Variants in APBA2 observed in about 807,000 individuals in gnomAD.
APBA2 encodes amyloid beta precursor protein binding family A member 2.
In APBA2, 30 loss-of-function variants were observed where a neutral mutation model predicts 75.0. That is an observed-to-expected ratio of 0.40 (90% CI 0.30 to 0.54). APBA2 has a LOEUF of 0.54. Among genes scored for constraint, APBA2 ranks in the 20% least tolerant of loss-of-function variants. APBA2 has a pLI of 0.49. For missense variants in APBA2, 801 were observed against 1,016.1 expected, an observed-to-expected ratio of 0.79 and a Z score of 2.88; for synonymous variants, 444 against 409.6, an observed-to-expected ratio of 1.08 and a Z score of -1.01.
intron 14 of APBA2, among the ~76,000 whole-genome samples, chr15:29,116,739 G>A (rs577236475): frequency 1.7e-4 from 26 of 152,234 alleles, no homozygotes; most frequent in Non-Finnish European, 1.5e-5. Context: ...CCCCCAGCCA[G>A]CCCCAGTGGA....
intron 3 of APBA2, among the ~76,000 whole-genome samples, chr15:29,035,242 G>T (rs936717995): frequency 2.0e-5 from 3 of 152,228 alleles, no homozygotes; most frequent in Non-Finnish European, 2.9e-5. Context: ...AGGAGTAAGG[G>T]CTTGCTACCG....
At chr15:28,999,005 G>A (rs2038696826) in intron 3 of APBA2, among the ~76,000 whole-genome samples, 1 of 152,112 alleles carries the variant, frequency 6.6e-6, no homozygotes, top group Non-Finnish European at 1.5e-5. Context: ...AAAATTAGCT[G>A]GGTGTGGTGG....
chr15:29,080,076 A>G (rs2043022213), intron 6 of APBA2, among the ~76,000 whole-genome samples: 1 of 152,192 alleles, frequency 6.6e-6, no homozygotes, highest in African/African-American at 2.4e-5. Flanking sequence ...TGCTTGACAC[A>G]TAAACTCGTA....
At chr15:29,030,721 A>G (rs1461116644) in intron 3 of APBA2, among the ~76,000 whole-genome samples, 1 of 133,492 alleles carries the variant, frequency 7.5e-6, no homozygotes, top group Non-Finnish European at 1.5e-5. Flanking sequence ...GGTTAAACCC[A>G]TGTGAGTATG....
chr15:28,994,735 C>T lies in APBA2; in HGVS notation c.-94-1018C>T, dbSNP rs1032741798. Among the ~76,000 whole-genome samples the T allele has an allele frequency of 9.9e-5, 15 of 152,154 alleles. 1 individual carries two copies. In the East Asian group the frequency reaches 1.7e-3, roughly 18 times the overall value. On this transcript the variant is annotated intron_variant, in intron 2 of 14. Coordinates refer to ENST00000683413, the MANE Select transcript of APBA2 (RefSeq NM_001353788.2). ...GGCCGCTTTCTTAGAGAAGTGAAGA[C>T]GCTGAGTAGACTAAACCTTTGTGAT... is the stretch of plus-strand genomic sequence containing the variant.
chr15:29,006,768 C>T (rs1045392797), intron 3 of APBA2, among the ~76,000 whole-genome samples: 5 of 152,200 alleles, frequency 3.3e-5, no homozygotes, highest in Non-Finnish European at 2.9e-5. Context: ...TGGCCCCACC[C>T]TTGACGTGAG....
At chr15:29,051,809 C>T (rs903330387) in intron 3 of APBA2, among the ~76,000 whole-genome samples, 10 of 152,138 alleles carry the variant, frequency 6.6e-5, no homozygotes, top group South Asian at 2.1e-4. Flanking sequence ...GATGAGAGCC[C>T]GGGCAGTGAC....
intron 3 of APBA2, among the ~76,000 whole-genome samples, chr15:29,000,038 T>C (rs535514755): frequency 1.3e-5 from 2 of 152,292 alleles, no homozygotes; most frequent in South Asian, 4.1e-4. Flanking sequence ...ATGCAGGTCC[T>C]CACTGGAGTG....
chr15:28,894,804 AG>A (rs1479753528), intron 1 of APBA2, among the ~76,000 whole-genome samples: 8 of 136,406 alleles, frequency 5.9e-5, no homozygotes, highest in Non-Finnish European at 1.1e-4. Flanking sequence ...GGACGCCGTT[AG>A]GGGCATGTTC....
intron 1 of APBA2, among the ~76,000 whole-genome samples, chr15:28,916,326 C>T (rs1289360852): frequency 6.6e-6 from 1 of 152,184 alleles, no homozygotes. Context: ...GTCTACCCTT[C>T]CCCACAGGTC....
At chr15:29,049,549 A>C (rs570722241) in intron 3 of APBA2, among the ~76,000 whole-genome samples, 1 of 152,274 alleles carries the variant, frequency 6.6e-6, no homozygotes, top group East Asian at 1.9e-4. Context: ...AAGCAAGCAG[A>C]TCTGGCTGAG....
At chr15:29,116,400 G>A (rs2045142289) in intron 14 of APBA2, among the ~76,000 whole-genome samples, 1 of 152,122 alleles carries the variant, frequency 6.6e-6, no homozygotes, top group African/African-American at 2.4e-5. Context: ...GCCGAGGCGG[G>A]CGTATCACGA....
chr15:28,940,356 C>CAAAAAAAAAAAAAAAAAAA (rs398043111), intron 2 of APBA2, among the ~76,000 whole-genome samples: 2 of 38,440 alleles, frequency 5.2e-5, no homozygotes, highest in Non-Finnish European at 5.8e-5. Flanking sequence ...ACTAAAAATA[C>CAAAAAAAAAAAAAAAAAAA]AAAAAAAAAA....
chr15:28,951,588 T>TA (rs397973689), intron 2 of APBA2, among the ~76,000 whole-genome samples: 6 of 151,880 alleles, frequency 4.0e-5, no homozygotes, highest in East Asian at 1.9e-4. Flanking sequence ...AGTTTTTTTT[T>TA]ATTTTTTTAT....
chr15:28,964,163 T>G (rs547656806), intron 2 of APBA2, among the ~76,000 whole-genome samples: 1 of 152,244 alleles, frequency 6.6e-6, no homozygotes, highest in Non-Finnish European at 1.5e-5. Context: ...TTTTTATTCC[T>G]CTATGATCAA....
At chr15:29,114,195 G>A (rs764669038) in intron 14 of APBA2, among the ~76,000 whole-genome samples, 179 bp downstream of exon 14, 12 of 152,218 alleles carry the variant, frequency 7.9e-5, no homozygotes, top group Non-Finnish European at 1.5e-4. Context: ...GAGCCATCCC[G>A]GTCTGGCTCT....
intron 13 of APBA2, among the ~76,000 whole-genome samples, chr15:29,109,407 C>T (rs763678144): frequency 1.3e-5 from 2 of 152,120 alleles, no homozygotes; most frequent in Non-Finnish European, 2.9e-5. Context: ...GAGCTTATTG[C>T]TTATTCATGC....
intron 1 of APBA2, among the ~76,000 whole-genome samples, chr15:28,907,615 G>A (rs1202523360): frequency 3.9e-5 from 6 of 152,348 alleles, no homozygotes; most frequent in Middle Eastern, 6.8e-3. Flanking sequence ...CTGCACCTAA[G>A]TGATTTGTTT....
chr15:29,094,961 G>A (rs1567002589), intron 8 of APBA2, among the ~76,000 whole-genome samples: 1 of 151,906 alleles, frequency 6.6e-6, no homozygotes, highest in Non-Finnish European at 1.5e-5. Context: ...CAGCTGCCTG[G>A]GAGGCTGAAG....
Sources: allele counts gnomAD v4.1 joint callset (sites outside exome capture counted in the v4.1 genomes callset), GRCh38; gene constraint gnomAD v4.1.1; transcripts MANE v1.5; gene names NCBI Gene and HGNC (gene_info 2026-07-23, HGNC 2026-07-21).